The following SLC9A9 variants were observed in gnomAD, a reference collection of about 807,000 sequenced individuals.
The protein encoded by SLC9A9 is solute carrier family 9 member A9, also known as sodium/hydrogen exchanger 9.
In SLC9A9, 62 loss-of-function variants were observed where a neutral mutation model predicts 77.8. The observed-to-expected ratio is 0.80, with a 90% CI of 0.65 to 0.98. SLC9A9 has a LOEUF of 0.98. Among genes scored for constraint, SLC9A9 ranks in the 50% least tolerant of loss-of-function variants. The probability of loss-of-function intolerance (pLI) is 0.00; values close to 1 mark genes in which losing one functional copy is unlikely to be tolerated. For missense variants in SLC9A9, 775 were observed against 774.9 expected, an observed-to-expected ratio of 1.00 and a Z score of 0.00; for synonymous variants, 320 against 283.5, an observed-to-expected ratio of 1.13 and a Z score of -1.29.
chr3:143,277,189 A>G (rs1938075259), intron 14 of SLC9A9, among the ~76,000 whole-genome samples: 1 of 152,202 alleles, frequency 6.6e-6, no homozygotes, highest in Admixed American at 6.5e-5. Context: ...AAGATAAACA[A>G]GGGGCCATAT....
rs770308974 is a variant in SLC9A9, at chr3:143,493,680, T to C, written c.1288A>G (p.Asn430Asp). The C allele has an allele frequency of 5.0e-6, 8 of 1,614,034 alleles. No individual in the cohort carries two copies. The Admixed American group carries it at 1.3e-4, about 27-fold the overall frequency. The change falls in exon 11 of 16, where the codon AAC (asparagine) becomes GAC (aspartate). Residue 430 changes from asparagine to aspartate, a missense_variant. By Grantham distance (23) the Asn-to-Asp change is conservative (BLOSUM62 1). Coordinates refer to ENST00000316549, the MANE Select transcript of SLC9A9 (RefSeq NM_173653.4). Reference sequence around the variant, plus strand: ...GAAAACATCATCATGTGCTGAAAGTTCCAGGGGATCTTCTGTTTTCGGCCT... The same window carrying C: ...GAAAACATCATCATGTGCTGAAAGTCCCAGGGGATCTTCTGTTTTCGGCCT... ...NLGRKQKIPW[N>D]FQHMMMFSGL...
rs565574320 is a variant in SLC9A9, at chr3:143,431,132, T to TGAG, written c.1469+35904_1469+35905insCTC. Among the ~76,000 whole-genome samples the TGAG allele has an allele frequency of 4.4e-4, 67 of 152,292 alleles. 1 individual carries two copies. The East Asian group carries it at 0.013, about 29-fold the overall frequency. On this transcript the variant is annotated intron_variant, in intron 12 of 15. Transcript: ENST00000316549. ...TCAGTCCTGGTGGTACTCAAGGCCT[T>TGAG]TCACAGTCTGGTGCCCCTAAATCTT...
chr3:143,680,216 G>A (rs1933040752), intron 5 of SLC9A9, among the ~76,000 whole-genome samples: 1 of 151,844 alleles, frequency 6.6e-6, no homozygotes, highest in Non-Finnish European at 1.5e-5. Flanking sequence ...GAATATGAGG[G>A]TATAATTAAA....
chr3:143,399,954 C>T (rs1278315874), intron 12 of SLC9A9, among the ~76,000 whole-genome samples: 11 of 152,098 alleles, frequency 7.2e-5, no homozygotes, highest in Non-Finnish European at 1.5e-4. Flanking sequence ...ATTTGTTACA[C>T]TCATATATAT....
intron 12 of SLC9A9, among the ~76,000 whole-genome samples, chr3:143,429,474 C>A (rs757148278): frequency 6.6e-6 from 1 of 152,154 alleles, no homozygotes; most frequent in Non-Finnish European, 1.5e-5. Flanking sequence ...AAAGGCAGAG[C>A]CTGGCGGAGT....
At chr3:143,719,855 C>T (rs1934451638) in intron 4 of SLC9A9, among the ~76,000 whole-genome samples, 1 of 152,042 alleles carries the variant, frequency 6.6e-6, no homozygotes, top group African/African-American at 2.4e-5. Context: ...GTGAAGAGGC[C>T]TGCAATCAAA....
At chr3:143,733,713 G>C (rs988758136) in intron 4 of SLC9A9, among the ~76,000 whole-genome samples, 25 of 151,984 alleles carry the variant, frequency 1.6e-4, no homozygotes, top group African/African-American at 5.8e-4. Flanking sequence ...GAACACGGTG[G>C]TCATCTGCTT....
intron 5 of SLC9A9, among the ~76,000 whole-genome samples, chr3:143,692,588 C>T (rs1178832448): frequency 3.3e-5 from 5 of 152,018 alleles, no homozygotes; most frequent in Non-Finnish European, 7.4e-5. Context: ...TGAAAAGTAC[C>T]ACAGTAAACA....
At chr3:143,415,459 G>A (rs1053255216) in intron 12 of SLC9A9, among the ~76,000 whole-genome samples, 4 of 152,190 alleles carry the variant, frequency 2.6e-5, no homozygotes, top group African/African-American at 9.6e-5. Flanking sequence ...TTGCCATTCT[G>A]AAAATCCTAG....
At chr3:143,671,689 T>G (rs1240785757) in intron 5 of SLC9A9, among the ~76,000 whole-genome samples, 1 of 152,362 alleles carries the variant, frequency 6.6e-6, no homozygotes, top group East Asian at 1.9e-4. Flanking sequence ...TCCATTGTGC[T>G]TAACACTGAA....
In SLC9A9 at chr3:143,628,629, C is replaced by T. The variant is rs976931218; in HGVS notation, c.755+23626G>A. Reference sequence around the variant, plus strand: ...TAAACACTCACTCTATCATATTTAACGTTAGTAAGATGGACTATAGAGACA... The same window carrying T: ...TAAACACTCACTCTATCATATTTAATGTTAGTAAGATGGACTATAGAGACA... On this transcript the variant is annotated intron_variant, in intron 6 of 15. Transcript: ENST00000316549. Among the ~76,000 whole-genome samples, 5 of 152,062 alleles carry T rather than the reference C, an allele frequency of 3.3e-5. No homozygotes were observed. The South Asian group carries it at 6.2e-4, about 19-fold the overall frequency.
chr3:143,413,356 G>A (rs535885853), intron 12 of SLC9A9, among the ~76,000 whole-genome samples: 1 of 152,306 alleles, frequency 6.6e-6, no homozygotes, highest in African/African-American at 2.4e-5. Flanking sequence ...TATGCTGAGA[G>A]GTACAGTCCT....
rs139588477 is a variant in SLC9A9, at chr3:143,728,333, A to G, written c.534-35026T>C. 6.6e-5 allele frequency among the ~76,000 whole-genome samples: 10 copies of G among 152,300 alleles called. No homozygotes were observed. The East Asian group carries it at 1.9e-3, about 29-fold the overall frequency. ...CTAGGAGAGCATCACTGAAGCTGCA[A>G]TGAGAAGGATAAGAAGGAGAAAGTA... On this transcript the variant is annotated intron_variant, in intron 4 of 15. Transcript: ENST00000316549.
chr3:143,740,643 A>C (rs760664074), intron 4 of SLC9A9, among the ~76,000 whole-genome samples: 4 of 152,184 alleles, frequency 2.6e-5, no homozygotes, highest in African/African-American at 9.7e-5. Flanking sequence ...AAATGATCAT[A>C]CCTCCCCATT....
At chr3:143,793,708 T>C (rs928989936) in intron 4 of SLC9A9, among the ~76,000 whole-genome samples, 1 of 152,244 alleles carries the variant, frequency 6.6e-6, no homozygotes, top group Non-Finnish European at 1.5e-5. Context: ...TCAGAGATGG[T>C]AAGATTGAGC....
chr3:143,312,103 C>T (rs1242743331), intron 14 of SLC9A9, among the ~76,000 whole-genome samples: 3 of 152,184 alleles, frequency 2.0e-5, no homozygotes, highest in African/African-American at 7.2e-5. Flanking sequence ...GGATTCAAAA[C>T]ACTGCAGGAA....
At chr3:143,474,539 A>T (rs1407330529) in intron 11 of SLC9A9, among the ~76,000 whole-genome samples, 2 of 152,004 alleles carry the variant, frequency 1.3e-5, no homozygotes, top group Admixed American at 1.3e-4. Context: ...GATGGGTCAG[A>T]TGAGGGGTAT....
At chr3:143,798,340 T>C (rs2108861104) in intron 2 of SLC9A9, among the ~76,000 whole-genome samples, 1 of 152,300 alleles carries the variant, frequency 6.6e-6, no homozygotes, top group South Asian at 2.1e-4. Flanking sequence ...TTCACCCACA[T>C]TCCATTGGTG....
In SLC9A9 at chr3:143,562,355, T is replaced by C. The variant is rs562213030; in HGVS notation, c.1001-9905A>G. On this transcript the variant is annotated intron_variant, in intron 8 of 15. Coordinates refer to ENST00000316549, the MANE Select transcript of SLC9A9 (RefSeq NM_173653.4). ...TTGGGTCTTGAGAGATGAGAAAAAT[T>C]TGGGAGTGCAGGTTCATGGGTAGGG... 6.6e-5 allele frequency among the ~76,000 whole-genome samples: 10 copies of C among 152,098 alleles called. No individual in the cohort carries two copies. The South Asian group carries it at 1.7e-3, about 25-fold the overall frequency.
Sources: allele counts gnomAD v4.1 joint callset (sites outside exome capture counted in the v4.1 genomes callset), GRCh38; gene constraint gnomAD v4.1.1; transcripts MANE v1.5; gene names NCBI Gene and HGNC (gene_info 2026-07-23, HGNC 2026-07-21).